The following GRM4 variants were observed in gnomAD, a reference collection of about 807,000 sequenced individuals.
The protein encoded by GRM4 is glutamate metabotropic receptor 4.
GRM4 carries 28 observed loss-of-function variants against 81.7 expected under a neutral mutation model. That is an observed-to-expected ratio of 0.34 (90% confidence interval 0.25 to 0.47). The LOEUF (loss-of-function observed/expected upper bound fraction) is 0.47. Among genes scored for constraint, GRM4 ranks in the 20% least tolerant of loss-of-function variants. The pLI is 1.00. For synonymous variants in GRM4, 488 were observed against 528.8 expected (o/e 0.92, Z 1.06); for missense variants, 948 against 1,290.0 (o/e 0.73, Z 4.06).
chr6:34,147,649 A>G (rs1021900092), upstream of GRM4, among the ~76,000 whole-genome samples: 1 of 152,220 alleles, frequency 6.6e-6, no homozygotes, highest in Non-Finnish European at 1.5e-5. Context: ...AGGACAGCTC[A>G]AATTCACCCT....
chr6:34,096,007 T>C (rs907623542), intron 2 of GRM4, among the ~76,000 whole-genome samples: 2 of 152,160 alleles, frequency 1.3e-5, no homozygotes, highest in African/African-American at 4.8e-5. Flanking sequence ...CTGAGGAGAA[T>C]GCTCCTCTCC....
intron 2 of GRM4, among the ~76,000 whole-genome samples, chr6:34,105,046 A>G (rs181167473): frequency 1.3e-5 from 2 of 152,250 alleles, no homozygotes; most frequent in African/African-American, 4.8e-5. Flanking sequence ...AAAATTAACC[A>G]TGGTGTCTGC....
At position 34,019,076 on chromosome 6, in the gene GRM4, C is replaced by T. The variant is rs1415187707; in HGVS notation, c.*3745G>A. The T allele has an allele frequency of 6.6e-6, 1 of 152,300 alleles. No individual in the cohort carries two copies. The highest frequency in any genetic ancestry group is 1.9e-4 in the East Asian group (1 of 5,202). 9.4% of individuals were successfully genotyped at this position (152,300 alleles called of 1,614,324 possible). On this transcript the variant is annotated 3_prime_UTR_variant, in exon 11 of 11. Coordinates refer to ENST00000538487, the MANE Select transcript of GRM4 (RefSeq NM_000841.4). ...GGGGCTCCCCAGGACCCCTTGGAGG[C>T]CTGGAGGCTGAGGCAGTGTGGGGGC...
In GRM4 at chr6:34,090,116, G is replaced by A. The variant is rs746199384; in HGVS notation, c.736+1767C>T. Among the ~76,000 whole-genome samples the A allele has an allele frequency of 2.0e-5, 3 of 152,132 alleles. No homozygotes were observed. The highest frequency in any genetic ancestry group is 6.5e-5 in the Admixed American group (1 of 15,272). On this transcript the variant is annotated intron_variant, in intron 3 of 10. Transcript: ENST00000538487. This position sits in a 1 kb window ranked among gnomAD's most constrained non-coding sequence, Gnocchi z 5.2. ...ATGGGGATGAGGCAGCATCTACCTC[G>A]TAGGGCAGGAAGGACTGCCCAGGAC...
chr6:34,051,853 A>G (rs946386052), intron 6 of GRM4, among the ~76,000 whole-genome samples: 6 of 152,198 alleles, frequency 3.9e-5, no homozygotes, highest in African/African-American at 1.4e-4. Context: ...AGGGGATAAT[A>G]TAATTCCCAT....
chr6:34,027,257 C>G (rs1258786062), intron 10 of GRM4, among the ~76,000 whole-genome samples: 1 of 152,160 alleles, frequency 6.6e-6, no homozygotes, highest in African/African-American at 2.4e-5. Context: ...CCAGTATACT[C>G]TCCACAACAG....
chr6:34,044,675 C>CACACACACACAG (rs1554181770), intron 6 of GRM4, among the ~76,000 whole-genome samples: 20 of 140,894 alleles, frequency 1.4e-4, no homozygotes, highest in Admixed American at 6.2e-4. Flanking sequence ...TACACAGACA[C>CACACACACACAG]ACACACACAG....
rs1766338707 is a variant in GRM4 at position 34,064,341 on chromosome 6, A to G, written c.737-2313T>C. Among the ~76,000 whole-genome samples, 1 of 152,224 alleles carries G rather than the reference A, an allele frequency of 6.6e-6. No homozygotes were observed. The highest frequency in any genetic ancestry group is 6.5e-5 in the Admixed American group (1 of 15,292). On this transcript the variant is annotated intron_variant, in intron 3 of 10. Transcript: ENST00000538487. This position sits in a 1 kb window ranked among gnomAD's most constrained non-coding sequence, Gnocchi z 4.4. ...TGTAATCACCATATCTCCAATTTAT[A>G]AATGAAGAAATTGAGGCACAGAGAG... is the stretch of plus-strand genomic sequence containing the variant.
intron 2 of GRM4, among the ~76,000 whole-genome samples, chr6:34,102,348 C>T (rs1230479218): frequency 1.3e-5 from 2 of 152,230 alleles, no homozygotes; most frequent in African/African-American, 4.8e-5. Flanking sequence ...CATCTCCAGC[C>T]ACTCCCAGCT....
chr6:34,086,649 G>C (rs541118081), intron 3 of GRM4, among the ~76,000 whole-genome samples: 16 of 152,322 alleles, frequency 1.1e-4, no homozygotes, highest in African/African-American at 2.9e-4. Flanking sequence ...CCTGCCCCAT[G>C]CACCACAGAG....
rs1429300188 is a variant in GRM4 at position 34,092,310 on chromosome 6, C to T, written c.520-211G>A. On this transcript the variant is annotated intron_variant, in intron 2 of 10. Transcript: ENST00000538487. The surrounding 1 kb of genome is among the most constrained non-coding windows in gnomAD (Gnocchi z 6.8). The stretch of plus-strand genomic sequence containing the variant: ...AAGACACCCCAACCACACACAGATA[C>T]ACACACAGGCACACACATACATACA... Among the ~76,000 whole-genome samples the T allele has an allele frequency of 6.6e-6, 1 of 152,180 alleles. No homozygotes were observed. The highest frequency in any genetic ancestry group is 2.4e-5 in the African/African-American group (1 of 41,428).
chr6:34,150,169 T>C (rs1771017236), upstream of GRM4, among the ~76,000 whole-genome samples: 1 of 151,202 alleles, frequency 6.6e-6, no homozygotes, highest in South Asian at 2.1e-4. Context: ...CATTTGTACC[T>C]GTACCCCACC....
At chr6:34,066,629 T>C (rs892628885) in intron 3 of GRM4, among the ~76,000 whole-genome samples, 5 of 151,992 alleles carry the variant, frequency 3.3e-5, no homozygotes, top group Admixed American at 3.3e-4. Context: ...GCTGAGTGAC[T>C]AAACAAGGAC....
chr6:34,116,513 G>C (rs115596283), intron 2 of GRM4, among the ~76,000 whole-genome samples: 2,869 of 152,254 alleles, frequency 0.019, 30 homozygotes, highest in African/African-American at 0.039. Flanking sequence ...AGCAGAAGAG[G>C]GGGCATTGGA....
chr6:34,103,505 G>A (rs1768952309), intron 2 of GRM4: 2 of 1,188,124 alleles, frequency 1.7e-6, no homozygotes, highest in Admixed American at 2.0e-5. Context: ...GGCGGGCGAG[G>A]GAGAGCAAAC....
intron 3 of GRM4, among the ~76,000 whole-genome samples, chr6:34,076,838 T>C (rs1188609323): frequency 1.3e-5 from 2 of 151,972 alleles, no homozygotes; most frequent in Non-Finnish European, 2.9e-5. Flanking sequence ...GGGAAAAGGC[T>C]TGGAGCCTCA....
At position 34,068,633 on chromosome 6, in the gene GRM4, T is replaced by C. The variant is rs565891220; in HGVS notation, c.737-6605A>G. ...AAGACCCATCCCCCCGCACCACCAC[T>C]TGTGGGATGTGCCTATCTCATGCAG... On this transcript the variant is annotated intron_variant, in intron 3 of 10. Coordinates refer to ENST00000538487, the MANE Select transcript of GRM4 (RefSeq NM_000841.4). This position sits in a 1 kb window ranked among gnomAD's most constrained non-coding sequence, Gnocchi z 4.2. 2.6e-5 allele frequency among the ~76,000 whole-genome samples: 4 copies of C among 152,138 alleles called. No homozygotes were observed. Among genetic ancestry groups the C allele is most frequent in the East Asian group, 1.9e-4 (1 of 5,168 alleles).
intron 3 of GRM4, among the ~76,000 whole-genome samples, chr6:34,079,110 A>G (rs2127476827): frequency 1.3e-5 from 2 of 152,300 alleles, no homozygotes; most frequent in Non-Finnish European, 2.9e-5. Context: ...ACAGGTGGAG[A>G]AACCAAGAGC....
intron 10 of GRM4, among the ~76,000 whole-genome samples, chr6:34,024,922 G>A (rs866288688): frequency 1.3e-5 from 2 of 152,326 alleles, no homozygotes. Context: ...TGTCCTTCCA[G>A]GGTGCTGGAT....
Sources: allele counts gnomAD v4.1 joint callset (sites outside exome capture counted in the v4.1 genomes callset), GRCh38; gene constraint gnomAD v4.1.1; non-coding constraint Gnocchi (gnomAD v3.1); transcripts MANE v1.5; gene names NCBI Gene and HGNC (gene_info 2026-07-23, HGNC 2026-07-21).